The following TMEM232 variants were observed in gnomAD, a reference collection of about 807,000 sequenced individuals.
TMEM232 encodes transmembrane protein 232.
Under a neutral mutation model 78.8 loss-of-function variants are expected in TMEM232, and 80 were observed. The observed-to-expected ratio is 1.01, with a 90% CI of 0.85 to 1.22. The LOEUF (loss-of-function observed/expected upper bound fraction) is 1.22. Ranked by LOEUF, TMEM232 falls within the 50% of genes most tolerant of loss-of-function variation. The pLI is 0.00. For missense variants in TMEM232, 881 were observed against 742.2 expected, an observed-to-expected ratio of 1.19 and a Z score of -2.17; for synonymous variants, 297 against 254.3, an observed-to-expected ratio of 1.17 and a Z score of -1.60.
intron 11 of TMEM232, among the ~76,000 whole-genome samples, chr5:110,557,011 A>T (rs1032974715): frequency 2.6e-5 from 4 of 152,146 alleles, no homozygotes; most frequent in African/African-American, 7.2e-5. Flanking sequence ...GGATGCCAAT[A>T]AGTCATAGAT....
chr5:110,429,927 A>C (rs1373634038), intron 12 of TMEM232: 1 of 151,726 alleles, frequency 6.6e-6, no homozygotes. Context: ...TCTTTAGCTA[A>C]CTTTCTTGTC....
At chr5:110,628,708 A>T in intron 5 of TMEM232, among the ~76,000 whole-genome samples, 1 of 144,230 alleles carries the variant, frequency 6.9e-6, no homozygotes, top group African/African-American at 2.6e-5. Flanking sequence ...TGTATCTCAA[A>T]ATCCTCTTAA....
intron 12 of TMEM232, among the ~76,000 whole-genome samples, chr5:110,518,123 ACTCTCTCTCTCTCT>A (rs71626631): frequency 1.4e-5 from 2 of 143,816 alleles, no homozygotes; most frequent in Non-Finnish European, 3.1e-5. Flanking sequence ...CTCTATGTCT[ACTCTCTCTCTCTCT>A]CTCTCTCTTT....
rs563162222 is a variant in TMEM232, at chr5:110,508,875, CAT to C, written c.1703+19711_1703+19712del. 2.2e-3 allele frequency among the ~76,000 whole-genome samples: 301 copies of C among 137,990 alleles called. 1 individual carries two copies. The highest frequency in any genetic ancestry group is 8.0e-3 in the African/African-American group (276 of 34,712). 90.5% of individuals were successfully genotyped at this position (137,990 alleles called of 152,430 possible). On this transcript the variant is annotated intron_variant, in intron 12 of 13. Transcript: ENST00000455884. ...AATTATATATATATATACACACACA[CAT>C]ATATATGTGTATATATGTATATATA...
At chr5:110,629,499 A>G (rs1433335512) in intron 5 of TMEM232, among the ~76,000 whole-genome samples, 1 of 152,044 alleles carries the variant, frequency 6.6e-6, no homozygotes, top group African/African-American at 2.4e-5. Flanking sequence ...TTCTTCATGT[A>G]TTATTTGTGT....
chr5:110,585,543 C>T (rs1027086705), intron 10 of TMEM232, among the ~76,000 whole-genome samples: 1 of 152,162 alleles, frequency 6.6e-6, no homozygotes, highest in Non-Finnish European at 1.5e-5. Context: ...AATATGCCTT[C>T]TATTCAAGAT....
chr5:110,473,187 A>G (rs562636162), intron 12 of TMEM232, among the ~76,000 whole-genome samples: 1 of 151,964 alleles, frequency 6.6e-6, no homozygotes, highest in East Asian at 1.9e-4. Flanking sequence ...TGCAAACTAT[A>G]CTTCTGACAA....
In TMEM232 at chr5:110,667,328, G is replaced by T; in HGVS notation, c.25C>A (p.Pro9Thr). The T allele has an allele frequency of 1.3e-6, 2 of 1,530,024 alleles. No homozygotes were observed. The highest frequency in any genetic ancestry group is 1.8e-6 in the Non-Finnish European group (2 of 1,133,768). The allele number at this position is 1,530,024 out of a possible 1,614,324, so 94.8% of individuals were successfully genotyped here. A position where few individuals can be genotyped will look rare whatever the true frequency, so the allele number is the denominator to read the frequency against. The change falls in exon 2 of 14, where the codon CCT (proline) becomes ACT (threonine). Residue 9 changes from proline (P) to threonine (T), a missense_variant. Physicochemically the swap from Pro to Thr is conservative, Grantham distance 38 (BLOSUM62 -1). Transcript: ENST00000455884. ...ATGCCTCCACATGTATTAATCATAG[G>T]TGATTTGTTAACAGGCATATTCATA... MNMPVNKS[P>T]MINTCGGISS...
downstream of TMEM232, chr5:110,418,058 G>A (rs1329191096): frequency 6.6e-6 from 1 of 152,088 alleles, no homozygotes; most frequent in Non-Finnish European, 1.5e-5. Context: ...ACATCCCTTC[G>A]ATTTTAACAA....
intron 1 of TMEM232, among the ~76,000 whole-genome samples, chr5:110,695,012 C>T (rs1308376175): frequency 6.6e-6 from 1 of 152,180 alleles, no homozygotes; most frequent in Non-Finnish European, 1.5e-5. Context: ...CTTTTCAGCA[C>T]CACACCACAC....
Position 110,640,460 on chromosome 5 carries a change from T to C in TMEM232, c.343+431A>G, listed in dbSNP as rs368812836. On this transcript the variant is annotated intron_variant, in intron 4 of 13. Transcript: ENST00000455884. Reference sequence around the variant, plus strand: ...TTTTAAAGGAGGCATAAATGAGGAGTGATAAATGAAAAGGTAATGAGTAAA... The same window carrying C: ...TTTTAAAGGAGGCATAAATGAGGAGCGATAAATGAAAAGGTAATGAGTAAA... 5.9e-5 allele frequency among the ~76,000 whole-genome samples: 9 copies of C among 151,922 alleles called. 1 individual carries two copies. The highest frequency in any genetic ancestry group is 5.8e-4 in the East Asian group (3 of 5,170).
chr5:110,691,171 A>AGC (rs975839093), intron 1 of TMEM232, among the ~76,000 whole-genome samples: 48 of 152,058 alleles, frequency 3.2e-4, no homozygotes, highest in African/African-American at 1.1e-3. Flanking sequence ...AAAGAAAGGA[A>AGC]GCTTTGGACA....
chr5:110,459,528 A>T (rs555629755), intron 12 of TMEM232, among the ~76,000 whole-genome samples: 7 of 152,182 alleles, frequency 4.6e-5, no homozygotes, highest in Admixed American at 3.9e-4. Flanking sequence ...AAAAGTAAAA[A>T]GCTCTTTTAG....
intron 12 of TMEM232, among the ~76,000 whole-genome samples, chr5:110,514,730 C>G (rs1768345965): frequency 2.0e-5 from 3 of 151,790 alleles, no homozygotes; most frequent in Non-Finnish European, 1.5e-5. Context: ...ACTTAGGCAT[C>G]CTAGGGGCAC....
intron 2 of TMEM232, among the ~76,000 whole-genome samples, chr5:110,661,730 T>C (rs1232812005): frequency 6.6e-6 from 1 of 152,192 alleles, no homozygotes; most frequent in Non-Finnish European, 1.5e-5. Context: ...TCCAAACTGT[T>C]TTCCATAATG....
chr5:110,549,471 T>C (rs1170040992), intron 11 of TMEM232, among the ~76,000 whole-genome samples: 1 of 151,518 alleles, frequency 6.6e-6, no homozygotes, highest in Non-Finnish European at 1.5e-5. Flanking sequence ...ACAAATAAGC[T>C]GGGCATGATG....
intron 11 of TMEM232, among the ~76,000 whole-genome samples, chr5:110,544,927 T>C (rs1217197153): frequency 2.0e-5 from 3 of 152,106 alleles, no homozygotes; most frequent in Non-Finnish European, 4.4e-5. Flanking sequence ...AGGACTGATA[T>C]AGTAGCAAAA....
At chr5:110,609,127 T>A (rs1420327351) in intron 8 of TMEM232, among the ~76,000 whole-genome samples, 1 of 152,070 alleles carries the variant, frequency 6.6e-6, no homozygotes, top group Non-Finnish European at 1.5e-5. Flanking sequence ...TGGATTTTAA[T>A]TTTTAAATGG....
intron 12 of TMEM232, among the ~76,000 whole-genome samples, chr5:110,512,981 A>T (rs1768005219): frequency 6.6e-6 from 1 of 152,230 alleles, no homozygotes; most frequent in Non-Finnish European, 1.5e-5. Context: ...TGTATTAAAG[A>T]AAGACACTCG....
Sources: allele counts gnomAD v4.1 joint callset (sites outside exome capture counted in the v4.1 genomes callset), GRCh38; gene constraint gnomAD v4.1.1; transcripts MANE v1.5; gene names NCBI Gene and HGNC (gene_info 2026-07-23, HGNC 2026-07-21).